The following CNTN1 variants were observed in gnomAD, a reference collection of about 807,000 sequenced individuals.
The protein encoded by CNTN1 is contactin 1, also known as contactin-1.
CNTN1 carries 38 observed loss-of-function variants against 126.4 expected under a neutral mutation model. The ratio of observed to expected loss-of-function variants is 0.30; its 90% CI spans 0.23 to 0.39. The LOEUF (loss-of-function observed/expected upper bound fraction) is 0.39, where lower values mean the gene tolerates loss of function less well. Ranked by LOEUF, CNTN1 falls within the 10% of genes least tolerant of loss-of-function variation. CNTN1 has a pLI of 1.00. For synonymous variants in CNTN1, 413 were observed against 422.6 expected, an observed-to-expected ratio of 0.98 and a Z score of 0.28; for missense variants, 1,009 against 1,248.4, an observed-to-expected ratio of 0.81 and a Z score of 2.89.
chr12:40,910,126 A>G, intron 3 of CNTN1, 21 bp downstream of exon 3: 1 of 1,562,490 alleles, frequency 6.4e-7, no homozygotes, highest in Non-Finnish European at 8.8e-7. Flanking sequence ...CAAAGAGTAG[A>G]CCTTGTAAAC....
At position 40,943,795 on chromosome 12, in the gene CNTN1, C is replaced by CA. The variant is rs943892406; in HGVS notation, c.1507+72dup. 8.1e-5 allele frequency: 126 copies of CA among 1,547,310 alleles called. No individual in the cohort carries two copies. In the African/African-American group the frequency reaches 1.6e-3, roughly 19 times the overall value. ...CATGATTCAGCACTAAGCATCTAAA[C>CA]AGTCAATGTATTTGTAAGTTTCTTT... On this transcript the variant is annotated intron_variant, in intron 13 of 23. Transcript: ENST00000551295.
At chr12:40,909,436 T>C (rs1012375586) in intron 2 of CNTN1, among the ~76,000 whole-genome samples, 1 of 151,968 alleles carries the variant, frequency 6.6e-6, no homozygotes, top group Non-Finnish European at 1.5e-5. Flanking sequence ...ACTTTCATGA[T>C]AATGACCTAA....
intron 1 of CNTN1, chr12:40,729,639 T>C (rs76900704): frequency 2.0e-3 from 451 of 221,698 alleles, no homozygotes; most frequent in African/African-American, 0.01. Flanking sequence ...GAGCATGGAG[T>C]CCACAAACTT....
intron 17 of CNTN1, among the ~76,000 whole-genome samples, chr12:41,011,254 T>A (rs1948645251): frequency 6.6e-6 from 1 of 152,196 alleles, no homozygotes; most frequent in Non-Finnish European, 1.5e-5. Flanking sequence ...TCTTAGGGAA[T>A]CATTCCCTTT....
chr12:41,025,089 A>C (rs1949010570), intron 20 of CNTN1, 61 bp from the exon 21 acceptor site: 1 of 1,550,002 alleles, frequency 6.5e-7, no homozygotes, highest in Non-Finnish European at 8.9e-7. Context: ...GTTGAAGAGA[A>C]CTTTTCATAG....
chr12:40,694,525 A>G (rs1941398168), intron 1 of CNTN1, among the ~76,000 whole-genome samples: 1 of 152,200 alleles, frequency 6.6e-6, no homozygotes, highest in African/African-American at 2.4e-5. Flanking sequence ...CTCAAATAGA[A>G]TACTTTTTAG....
chr12:40,958,347 A>G (rs11179193), intron 14 of CNTN1, among the ~76,000 whole-genome samples: 84 of 106,528 alleles, frequency 7.9e-4, no homozygotes, highest in African/African-American at 2.6e-3. Context: ...GTGTGTGTGT[A>G]TATATGTGTG....
chr12:40,720,580 A>G (rs1942176534), intron 1 of CNTN1, among the ~76,000 whole-genome samples: 1 of 152,222 alleles, frequency 6.6e-6, no homozygotes, highest in African/African-American at 2.4e-5. Flanking sequence ...TAATTGAATG[A>G]TATTTTAAAT....
intron 15 of CNTN1, among the ~76,000 whole-genome samples, chr12:40,965,421 T>C (rs1211253071): frequency 2.6e-5 from 4 of 152,164 alleles, no homozygotes; most frequent in African/African-American, 9.7e-5. Flanking sequence ...CCAGAAAGAT[T>C]ATCAAGTCTA....
At chr12:40,697,004 A>T (rs1430835634) in intron 1 of CNTN1, among the ~76,000 whole-genome samples, 1 of 152,158 alleles carries the variant, frequency 6.6e-6, no homozygotes, top group African/African-American at 2.4e-5. Flanking sequence ...TATTCTTACT[A>T]TCCATGTGTT....
At chr12:40,877,134 A>C (rs1271439993) in intron 1 of CNTN1, among the ~76,000 whole-genome samples, 6 of 152,190 alleles carry the variant, frequency 3.9e-5, no homozygotes, top group Non-Finnish European at 8.8e-5. Flanking sequence ...AACTGTCACC[A>C]TCTGACAATT....
In CNTN1 at chr12:40,700,875, T is replaced by A. The variant is rs1479791758; in HGVS notation, c.-77+8283T>A. Among the ~76,000 whole-genome samples the A allele has an allele frequency of 2.6e-5, 4 of 152,222 alleles. No homozygotes were observed. In the East Asian group the frequency reaches 5.8e-4, roughly 22 times the overall value. ...TCTGTGTTGGGCATTTAAAAAAAAA[T>A]GTGTTGCACATGACCATCTCAAAAC... On this transcript the variant is annotated intron_variant, in intron 1 of 23. Transcript: ENST00000551295.
At chr12:41,067,320 G>A (rs1334718154) in intron 23 of CNTN1, among the ~76,000 whole-genome samples, 2 of 151,972 alleles carry the variant, frequency 1.3e-5, no homozygotes, top group Non-Finnish European at 2.9e-5. Context: ...ACATCAAGAT[G>A]GCATCCACAA....
At chr12:40,880,503 A>G (rs1943834919) in intron 1 of CNTN1, among the ~76,000 whole-genome samples, 1 of 152,052 alleles carries the variant, frequency 6.6e-6, no homozygotes, top group South Asian at 2.1e-4. Context: ...CTTAAATGAT[A>G]TAGAAGTGAG....
chr12:41,040,578 C>CT (rs1949378777), intron 23 of CNTN1, among the ~76,000 whole-genome samples: 1 of 152,098 alleles, frequency 6.6e-6, no homozygotes, highest in South Asian at 2.1e-4. Flanking sequence ...TTTGTATCCT[C>CT]TTTTATTTCA....
intron 17 of CNTN1, among the ~76,000 whole-genome samples, chr12:40,994,609 A>G (rs1948169387): frequency 6.6e-6 from 1 of 152,088 alleles, no homozygotes; most frequent in African/African-American, 2.4e-5. Context: ...ATGCAGCTCT[A>G]GGGAATAATA....
chr12:40,868,431 G>C (rs1943373783), intron 1 of CNTN1, among the ~76,000 whole-genome samples: 1 of 152,044 alleles, frequency 6.6e-6, no homozygotes, highest in African/African-American at 2.4e-5. Context: ...GTACTTATGT[G>C]GTTCAACCTG....
intron 1 of CNTN1, among the ~76,000 whole-genome samples, chr12:40,813,008 C>T (rs1438755906): frequency 4.9e-5 from 5 of 102,266 alleles, no homozygotes; most frequent in African/African-American, 1.7e-4. Flanking sequence ...TTTTTCCTTC[C>T]TTCCATCCTT....
intron 1 of CNTN1, among the ~76,000 whole-genome samples, chr12:40,715,000 T>C (rs2121184696): frequency 6.6e-6 from 1 of 152,242 alleles, no homozygotes; most frequent in South Asian, 2.1e-4. Flanking sequence ...TAAGCATTTT[T>C]GTAGAAAAAT....
Sources: allele counts gnomAD v4.1 joint callset (sites outside exome capture counted in the v4.1 genomes callset), GRCh38; gene constraint gnomAD v4.1.1; transcripts MANE v1.5; gene names NCBI Gene and HGNC (gene_info 2026-07-23, HGNC 2026-07-21).